The following TMCC1 variants were observed in gnomAD, a reference collection of about 807,000 sequenced individuals.
TMCC1 encodes transmembrane and coiled-coil domains protein 1.
In TMCC1, 15 loss-of-function variants were observed where a neutral mutation model predicts 52.4. The ratio of observed to expected loss-of-function variants is 0.29; its 90% CI spans 0.19 to 0.44. The LOEUF is 0.44. Among genes scored for constraint, TMCC1 ranks in the 20% least tolerant of loss-of-function variants. The pLI is 1.00. For missense variants in TMCC1, 503 were observed against 806.0 expected (o/e 0.62, Z 4.55); for synonymous variants, 279 against 301.9 (o/e 0.92, Z 0.79).
Position 129,781,237 on chromosome 3 carries a change from C to A in TMCC1, c.576+46566G>T, listed in dbSNP as rs763020781. Among the ~76,000 whole-genome samples, 33 of 152,164 alleles carry A rather than the reference C, an allele frequency of 2.2e-4. 1 individual carries two copies. Among genetic ancestry groups the A allele is most frequent in the Non-Finnish European group, 4.0e-4 (27 of 68,012 alleles). On this transcript the variant is annotated intron_variant, in intron 4 of 6. Transcript: ENST00000393238. ...CACCTCCATTCATTTTCTTTGCCGA[C>A]AAATACTCTGTTGGTCAAGTTGTTT...
At chr3:129,853,282 G>A (rs2059997746) in intron 2 of TMCC1, among the ~76,000 whole-genome samples, 1 of 152,116 alleles carries the variant, frequency 6.6e-6, no homozygotes, top group Non-Finnish European at 1.5e-5. Flanking sequence ...GTACCTGTAA[G>A]CATACCCCTA....
At chr3:129,745,628 C>A (rs1484970917) in intron 4 of TMCC1, among the ~76,000 whole-genome samples, 1 of 152,050 alleles carries the variant, frequency 6.6e-6, no homozygotes, top group African/African-American at 2.4e-5. Context: ...GAGAGAGAAG[C>A]CTTTAAATAG....
chr3:129,749,826 T>C (rs533166188), intron 4 of TMCC1, among the ~76,000 whole-genome samples: 67 of 152,294 alleles, frequency 4.4e-4, no homozygotes, highest in African/African-American at 1.4e-3. Context: ...ACAGACTGAA[T>C]CCTGTTGAGA....
chr3:129,893,636 A>T lies in TMCC1; in HGVS notation c.-577T>A, dbSNP rs2062091196. 1 of 133,860 alleles carries T rather than the reference A, an allele frequency of 7.5e-6. No homozygotes were observed. The highest frequency in any genetic ancestry group is 2.8e-5 in the African/African-American group (1 of 35,926). 8.3% of individuals were successfully genotyped at this position (133,860 alleles called of 1,614,324 possible). On this transcript the variant is annotated 5_prime_UTR_variant, in exon 1 of 7. Coordinates refer to ENST00000393238, the MANE Select transcript of TMCC1 (RefSeq NM_001017395.5). ...CCCGACCCTCCCCCCGCGCCGCCTC[A>T]GCCGCCGCCGCCTCAGTCACCGCCA...
At chr3:129,695,909 C>T (rs35400636) in intron 4 of TMCC1, among the ~76,000 whole-genome samples, 5,711 of 152,214 alleles carry the variant, frequency 0.038, 132 homozygotes, top group Non-Finnish European at 0.055. Context: ...TTATTTAACC[C>T]TATGTATCAT....
At chr3:129,787,507 A>G (rs1259222500) in intron 4 of TMCC1, among the ~76,000 whole-genome samples, 2 of 152,200 alleles carry the variant, frequency 1.3e-5, no homozygotes, top group East Asian at 3.8e-4. Context: ...TTCCTTGTAT[A>G]TAATGAATGC....
chr3:129,789,624 G>C (rs1357378607), intron 4 of TMCC1, among the ~76,000 whole-genome samples: 1 of 152,164 alleles, frequency 6.6e-6, no homozygotes, highest in Non-Finnish European at 1.5e-5. Flanking sequence ...TGGACTACAG[G>C]CGCCTGCAAC....
intron 4 of TMCC1, among the ~76,000 whole-genome samples, chr3:129,722,540 CTCTTA>C (rs2049706958): frequency 6.6e-6 from 1 of 152,122 alleles, no homozygotes; most frequent in Non-Finnish European, 1.5e-5. Context: ...ACTGTCTCTA[CTCTTA>C]TAAGTTAATG....
chr3:129,887,626 C>T (rs1388075449), intron 1 of TMCC1, among the ~76,000 whole-genome samples: 7 of 150,600 alleles, frequency 4.6e-5, no homozygotes, highest in Admixed American at 4.0e-4. Context: ...TAACAAAATA[C>T]TGTGAGCATT....
At chr3:129,667,220 TAAA>T (rs1202933776) in intron 5 of TMCC1, among the ~76,000 whole-genome samples, 13 of 85,794 alleles carry the variant, frequency 1.5e-4, no homozygotes, top group Non-Finnish European at 2.5e-4. Context: ...CCCTGACTCT[TAAA>T]AAAAAAAAAA....
intron 6 of TMCC1, among the ~76,000 whole-genome samples, 167 bp downstream of exon 6, chr3:129,654,801 C>A (rs948356801): frequency 6.6e-6 from 1 of 152,154 alleles, no homozygotes. Context: ...ATGGTATAAA[C>A]TTTTGAGAAA....
At chr3:129,824,110 T>TG in intron 4 of TMCC1, among the ~76,000 whole-genome samples, 1 of 152,114 alleles carries the variant, frequency 6.6e-6, no homozygotes, top group South Asian at 2.1e-4. Context: ...CTGAGGCAGG[T>TG]GGATCACTTG....
intron 2 of TMCC1, among the ~76,000 whole-genome samples, chr3:129,866,378 G>GTTTTT (rs1160648900): frequency 9.3e-6 from 1 of 108,038 alleles, no homozygotes; most frequent in Non-Finnish European, 1.9e-5. Context: ...ATATATATAT[G>GTTTTT]TTTTTTTTTT....
intron 4 of TMCC1, among the ~76,000 whole-genome samples, chr3:129,736,114 T>C (rs2050939594): frequency 1.3e-5 from 2 of 152,236 alleles, no homozygotes; most frequent in African/African-American, 4.8e-5. Context: ...ATTTGTTTTT[T>C]TGATCTTACA....
chr3:129,784,638 A>T (rs1160858603), intron 4 of TMCC1, among the ~76,000 whole-genome samples: 1 of 151,016 alleles, frequency 6.6e-6, no homozygotes, highest in African/African-American at 2.4e-5. Flanking sequence ...TGGGGAGAAG[A>T]GTGTGTGGAG....
chr3:129,742,267 C>T (rs1289852976), intron 4 of TMCC1, among the ~76,000 whole-genome samples: 1 of 151,904 alleles, frequency 6.6e-6, no homozygotes, highest in African/African-American at 2.4e-5. Context: ...TCAAAGGACA[C>T]CATTAACAAA....
chr3:129,823,319 T>G (rs983335236), intron 4 of TMCC1, among the ~76,000 whole-genome samples: 1 of 96,592 alleles, frequency 1.0e-5, no homozygotes, highest in Non-Finnish European at 2.2e-5. Flanking sequence ...AGAGCGAAAT[T>G]CCATCTCAAA....
intron 2 of TMCC1, among the ~76,000 whole-genome samples, chr3:129,856,036 G>A (rs958784966): frequency 2.6e-5 from 4 of 152,138 alleles, no homozygotes; most frequent in East Asian, 1.9e-4. Context: ...TCCTGGTTTC[G>A]ATATTATACT....
intron 4 of TMCC1, among the ~76,000 whole-genome samples, chr3:129,819,606 A>C (rs995161721): frequency 3.3e-5 from 5 of 152,208 alleles, no homozygotes; most frequent in East Asian, 1.9e-4. Flanking sequence ...GACCATAAGC[A>C]TATAATACTT....
Sources: allele counts gnomAD v4.1 joint callset (sites outside exome capture counted in the v4.1 genomes callset), GRCh38; gene constraint gnomAD v4.1.1; transcripts MANE v1.5; gene names NCBI Gene and HGNC (gene_info 2026-07-23, HGNC 2026-07-21).